Variants in SCGB2B2 observed in about 807,000 individuals in gnomAD.
The protein encoded by SCGB2B2 is secretoglobin-like protein.
A neutral mutation model predicts 7.6 loss-of-function variants in SCGB2B2; 11 were observed. That is an observed-to-expected ratio of 1.45 (90% CI 0.91 to 2.40). The LOEUF (loss-of-function observed/expected upper bound fraction) is 2.40. Among genes scored for constraint, SCGB2B2 ranks in the 30% most tolerant of loss-of-function variants. SCGB2B2 has a pLI of 0.00. For synonymous variants in SCGB2B2, 50 were observed against 48.6 expected (o/e 1.03, Z -0.12); for missense variants, 104 against 115.4 (o/e 0.90, Z 0.45).
rs2065302899 is a variant in SCGB2B2 at position 34,591,773 on chromosome 19, T to C, written c.*1782A>G. On this transcript the variant is annotated 3_prime_UTR_variant, in exon 4 of 4. Transcript: ENST00000601241. ...CAGGTTCTTCAGGACTCAGGGGAGA[T>C]GTTGTCTCCTCAGATGCCTTCTGGG... 6.6e-6 allele frequency among the ~76,000 whole-genome samples: 1 copy of C among 152,204 alleles called. No individual in the cohort carries two copies. The highest frequency in any genetic ancestry group is 2.4e-5 in the African/African-American group (1 of 41,448).
chr19:34,615,762 GTAT>G (rs2066057423), intron 1 of SCGB2B2, among the ~76,000 whole-genome samples: 1 of 151,948 alleles, frequency 6.6e-6, no homozygotes, highest in Admixed American at 6.6e-5. Context: ...GGTTACATAT[GTAT>G]ACATGTGCCA....
At chr19:34,597,373 C>A (rs1600035895) in intron 1 of SCGB2B2, among the ~76,000 whole-genome samples, 2 of 116,960 alleles carry the variant, frequency 1.7e-5, no homozygotes, top group African/African-American at 6.1e-5. Flanking sequence ...CACTTTTAGC[C>A]CTGGGGACAT....
At chr19:34,636,793 G>T (rs1191666006) in intron 1 of SCGB2B2, among the ~76,000 whole-genome samples, 1 of 152,116 alleles carries the variant, frequency 6.6e-6, no homozygotes, top group Non-Finnish European at 1.5e-5. Flanking sequence ...TGAGAACTCA[G>T]CCCTGACGTT....
intron 1 of SCGB2B2, among the ~76,000 whole-genome samples, chr19:34,663,577 G>GT (rs1422533532): frequency 6.6e-6 from 1 of 152,198 alleles, no homozygotes. Context: ...TCAGGACAGG[G>GT]GTCAACTCTA....
intron 1 of SCGB2B2, among the ~76,000 whole-genome samples, chr19:34,633,886 T>A (rs1215940046): frequency 1.3e-5 from 2 of 152,176 alleles, no homozygotes; most frequent in South Asian, 4.1e-4. Flanking sequence ...ACTATTCTCA[T>A]TCTTTGGAAG....
chr19:34,602,170 A>G (rs1488209937), intron 1 of SCGB2B2, among the ~76,000 whole-genome samples: 2 of 152,222 alleles, frequency 1.3e-5, no homozygotes, highest in Non-Finnish European at 2.9e-5. Flanking sequence ...GATGAATTTT[A>G]GAACACATCT....
intron 1 of SCGB2B2, among the ~76,000 whole-genome samples, chr19:34,613,102 CTTTT>C (rs35050277): frequency 3.0e-4 from 43 of 141,896 alleles, no homozygotes; most frequent in Middle Eastern, 3.6e-3. Context: ...ATTTTCTTTT[CTTTT>C]TTTTTTTTTT....
At chr19:34,666,833 C>T (rs2146180130) in intron 1 of SCGB2B2, among the ~76,000 whole-genome samples, 1 of 152,258 alleles carries the variant, frequency 6.6e-6, no homozygotes, top group South Asian at 2.1e-4. Flanking sequence ...CGCTGCAGCC[C>T]TGGGGTACCC....
At chr19:34,645,886 G>A in intron 1 of SCGB2B2, 1 of 249,134 alleles carries the variant, frequency 4.0e-6, no homozygotes, top group Admixed American at 4.6e-5. Context: ...TCCACCACAG[G>A]GGATGCCTGC....
intron 1 of SCGB2B2, among the ~76,000 whole-genome samples, chr19:34,663,574 A>AG (rs2067523987): frequency 6.6e-6 from 1 of 152,236 alleles, no homozygotes; most frequent in African/African-American, 2.4e-5. Context: ...AAGTCAGGAC[A>AG]GGGGTCAACT....
In SCGB2B2 at chr19:34,612,018, A is replaced by ATTTTTTTTTT. The variant is rs1568431496; in HGVS notation, c.-2031-15425_-2031-15424insAAAAAAAAAA. Among the ~76,000 whole-genome samples, 9 of 78,672 alleles carry ATTTTTTTTTT rather than the reference A, an allele frequency of 1.1e-4. No individual in the cohort carries two copies. In the East Asian group the frequency reaches 1.7e-3, roughly 15 times the overall value. The allele number at this position is 78,672 out of a possible 152,430, so 51.6% of individuals were successfully genotyped here. A position where few individuals can be genotyped will look rare whatever the true frequency, so the allele number is the denominator to read the frequency against. On this transcript the variant is annotated intron_variant, in intron 1 of 3. Transcript: ENST00000601241. ...ATTTTCATATATTTGTGTTTTAGAA[A>ATTTTTTTTTT]ATTCTTTTTTTTTTTTTTTTTTTTT...
chr19:34,659,099 C>T (rs1253416778), intron 1 of SCGB2B2, among the ~76,000 whole-genome samples: 2 of 152,102 alleles, frequency 1.3e-5, no homozygotes, highest in Non-Finnish European at 2.9e-5. Flanking sequence ...GCCTTTCATC[C>T]TAAAAACTCT....
intron 1 of SCGB2B2, among the ~76,000 whole-genome samples, chr19:34,628,381 T>C (rs1207795057): frequency 6.6e-6 from 1 of 151,206 alleles, no homozygotes; most frequent in African/African-American, 2.4e-5. Context: ...CTAGCAAGAC[T>C]AATAAGAAAA....
In SCGB2B2 at chr19:34,669,714, T is replaced by TACACACATACACACACACACAC. The variant is rs1555750459; in HGVS notation, c.-2032+5915_-2032+5916insGTGTGTGTGTGTGTATGTGTGT. ...TCTGCAGACCTGCCCTGCCCCCACT[T>TACACACATACACACACACACAC]ACACACACACACACACGAAGAGGTG... On this transcript the variant is annotated intron_variant, in intron 1 of 3. Coordinates refer to ENST00000601241, the MANE Select transcript of SCGB2B2 (RefSeq NM_001025591.4). Among the ~76,000 whole-genome samples the TACACACATACACACACACACAC allele has an allele frequency of 1.2e-3, 165 of 139,578 alleles. 1 individual carries two copies. In the East Asian group the frequency reaches 0.014, roughly 12 times the overall value. 91.6% of individuals were successfully genotyped at this position (139,578 alleles called of 152,430 possible).
Position 34,673,993 on chromosome 19 carries a change from C to T in SCGB2B2, c.-2032+1637G>A, listed in dbSNP as rs2067863046. Among the ~76,000 whole-genome samples the T allele has an allele frequency of 2.6e-5, 4 of 152,174 alleles. No homozygotes were observed. In the South Asian group the frequency reaches 6.2e-4, roughly 24 times the overall value. On this transcript the variant is annotated intron_variant, in intron 1 of 3. Transcript: ENST00000601241. The stretch of plus-strand genomic sequence containing the variant: ...CTTTTTATGAGATGGCCAGACATAG[C>T]TATTGAAACAAAAGGACTAGCCCTC...
intron 1 of SCGB2B2, among the ~76,000 whole-genome samples, chr19:34,640,131 G>A (rs1019053743): frequency 6.6e-6 from 1 of 152,170 alleles, no homozygotes; most frequent in African/African-American, 2.4e-5. Flanking sequence ...ATTTATTTGA[G>A]ATAAGGTCTT....
chr19:34,606,196 G>C lies in SCGB2B2; in HGVS notation c.-2031-9602C>G, dbSNP rs115955314. ...GCTTTATTGGCATAATTGACAAATA[G>C]GAATTGTGTATATTTAAAATGTACA... is the stretch of plus-strand genomic sequence containing the variant. On this transcript the variant is annotated intron_variant, in intron 1 of 3. Coordinates refer to ENST00000601241, the MANE Select transcript of SCGB2B2 (RefSeq NM_001025591.4). Among the ~76,000 whole-genome samples the C allele has an allele frequency of 7.1e-3, 1,085 of 152,006 alleles. 16 individuals carry two copies. Among genetic ancestry groups the C allele is most frequent in the African/African-American group, 0.025 (1,030 of 41,478 alleles).
At chr19:34,664,678 TG>T (rs1199872459) in intron 1 of SCGB2B2, among the ~76,000 whole-genome samples, 4 of 152,152 alleles carry the variant, frequency 2.6e-5, no homozygotes, top group African/African-American at 9.7e-5. Context: ...GCAAACTCCT[TG>T]TCCGGAAGCT....
At chr19:34,654,801 A>C (rs1184013719) in intron 1 of SCGB2B2, among the ~76,000 whole-genome samples, 1 of 150,686 alleles carries the variant, frequency 6.6e-6, no homozygotes, top group Non-Finnish European at 1.5e-5. Flanking sequence ...GTCTTTGAAA[A>C]ACCCCTAGCC....
Sources: allele counts gnomAD v4.1 joint callset (sites outside exome capture counted in the v4.1 genomes callset), GRCh38; gene constraint gnomAD v4.1.1; transcripts MANE v1.5; gene names NCBI Gene and HGNC (gene_info 2026-07-23, HGNC 2026-07-21).